The following PTPRD variants were observed in gnomAD, a reference collection of about 807,000 sequenced individuals.
The protein encoded by PTPRD is protein tyrosine phosphatase receptor type D, also known as receptor-type tyrosine-protein phosphatase delta.
PTPRD carries 34 observed loss-of-function variants against 214.5 expected under a neutral mutation model. The ratio of observed to expected loss-of-function variants is 0.16; its 90% CI spans 0.12 to 0.21. The LOEUF is 0.21. Ranked by LOEUF, PTPRD falls within the 10% of genes least tolerant of loss-of-function variation. The probability of loss-of-function intolerance (pLI) is 1.00; values close to 1 mark genes in which losing one functional copy is unlikely to be tolerated. For missense variants in PTPRD, 2,545 were observed against 2,398.7 expected, an observed-to-expected ratio of 1.06 and a Z score of -1.27; for synonymous variants, 1,128 against 845.7, an observed-to-expected ratio of 1.33 and a Z score of -5.79.
At chr9:10,499,821 T>C (rs2133160729) in intron 2 of PTPRD, among the ~76,000 whole-genome samples, 1 of 152,070 alleles carries the variant, frequency 6.6e-6, no homozygotes, top group East Asian at 1.9e-4. Context: ...TATTGTCATG[T>C]GCCAAAGAGT....
chr9:10,229,540 A>C (rs1475348771), intron 3 of PTPRD, among the ~76,000 whole-genome samples: 1 of 152,098 alleles, frequency 6.6e-6, no homozygotes, highest in Non-Finnish European at 1.5e-5. Context: ...TGATGAGTTC[A>C]TGTCCTTTGT....
At chr9:9,381,763 G>A (rs562764128) in intron 9 of PTPRD, among the ~76,000 whole-genome samples, 41 of 151,258 alleles carry the variant, frequency 2.7e-4, no homozygotes, top group African/African-American at 8.5e-4. Context: ...TGCAATACGA[G>A]TTTGCACTAT....
intron 2 of PTPRD, among the ~76,000 whole-genome samples, chr9:10,598,074 T>C (rs1239160467): frequency 2.0e-5 from 3 of 151,768 alleles, no homozygotes; most frequent in East Asian, 1.9e-4. Context: ...TATTGGACAA[T>C]TGCACTGTGT....
intron 11 of PTPRD, among the ~76,000 whole-genome samples, chr9:8,953,499 T>C (rs2099114761): frequency 6.6e-6 from 1 of 151,780 alleles, no homozygotes; most frequent in Non-Finnish European, 1.5e-5. Context: ...AATTGATAAG[T>C]GGGGACCTAA....
chr9:8,745,784 TTC>T (rs60391748), intron 11 of PTPRD, among the ~76,000 whole-genome samples: 77,108 of 148,556 alleles, frequency 0.52, 19,806 homozygotes, highest in South Asian at 0.57. Flanking sequence ...TTTATGGAGT[TTC>T]TCTCTCTCTC....
chr9:9,590,956 G>T (rs1018459274), intron 7 of PTPRD, among the ~76,000 whole-genome samples: 2 of 151,950 alleles, frequency 1.3e-5, no homozygotes, highest in Non-Finnish European at 2.9e-5. Flanking sequence ...AACACAAAAT[G>T]GGCTCCATTT....
rs1440032327 is a variant in PTPRD at position 8,980,127 on chromosome 9, C to A, written c.-104+38570G>T. 2.0e-5 allele frequency among the ~76,000 whole-genome samples: 3 copies of A among 151,718 alleles called. No individual in the cohort carries two copies. The East Asian group carries it at 5.9e-4, about 30-fold the overall frequency. ...ATTGCATTAAGTGAAATAAGCCAGACACATAAATAAAAATATTGCATGATC... is the reference window on the plus strand; with the variant it reads ...ATTGCATTAAGTGAAATAAGCCAGAAACATAAATAAAAATATTGCATGATC... On this transcript the variant is annotated intron_variant, in intron 11 of 45. Transcript: ENST00000381196.
At chr9:9,705,880 T>C (rs1014535880) in intron 7 of PTPRD, among the ~76,000 whole-genome samples, 1 of 152,188 alleles carries the variant, frequency 6.6e-6, no homozygotes, top group Non-Finnish European at 1.5e-5. Flanking sequence ...TTTCTGGCAG[T>C]GACCTCAAAG....
At chr9:8,941,419 GTA>G (rs1307804558) in intron 11 of PTPRD, among the ~76,000 whole-genome samples, 1 of 152,008 alleles carries the variant, frequency 6.6e-6, no homozygotes. Flanking sequence ...ATGTGTGTGT[GTA>G]TATATATAGT....
At chr9:9,708,803 G>T (rs1430461914) in intron 7 of PTPRD, among the ~76,000 whole-genome samples, 1 of 151,946 alleles carries the variant, frequency 6.6e-6, no homozygotes, top group Non-Finnish European at 1.5e-5. Flanking sequence ...GAATGCCATT[G>T]CAAGAAAAAC....
At chr9:8,453,812 T>A (rs1276792235) in intron 33 of PTPRD, among the ~76,000 whole-genome samples, 2 of 152,286 alleles carry the variant, frequency 1.3e-5, no homozygotes, top group South Asian at 4.1e-4. Flanking sequence ...TCCGTCAAGT[T>A]CCCTGGTGGT....
chr9:9,476,122 C>T (rs968331879), intron 8 of PTPRD, among the ~76,000 whole-genome samples: 1 of 152,116 alleles, frequency 6.6e-6, no homozygotes, highest in African/African-American at 2.4e-5. Flanking sequence ...AGAAAACAGG[C>T]GTAGTGATAT....
chr9:8,927,350 C>T (rs2098907283), intron 11 of PTPRD, among the ~76,000 whole-genome samples: 1 of 152,024 alleles, frequency 6.6e-6, no homozygotes, highest in Admixed American at 6.6e-5. Flanking sequence ...TTAGGTATTT[C>T]TCCTAATGCT....
chr9:9,689,711 G>A (rs910870770), intron 7 of PTPRD, among the ~76,000 whole-genome samples: 3 of 151,778 alleles, frequency 2.0e-5, no homozygotes, highest in Non-Finnish European at 2.9e-5. Flanking sequence ...CACTTTATAA[G>A]TTCCCATATA....
intron 14 of PTPRD, among the ~76,000 whole-genome samples, chr9:8,576,001 A>T (rs553066543): frequency 6.6e-6 from 1 of 152,212 alleles, no homozygotes; most frequent in African/African-American, 2.4e-5. Flanking sequence ...CAAATGAGAT[A>T]GTCCTAACAG....
intron 33 of PTPRD, among the ~76,000 whole-genome samples, chr9:8,454,169 G>A (rs185033070): frequency 6.6e-6 from 1 of 152,238 alleles, no homozygotes; most frequent in East Asian, 1.9e-4. Context: ...ATGTGAAAAT[G>A]CTAATATCAT....
chr9:10,016,513 C>G (rs997198574), intron 4 of PTPRD, among the ~76,000 whole-genome samples: 2 of 152,100 alleles, frequency 1.3e-5, no homozygotes, highest in South Asian at 4.2e-4. Context: ...AGAGAAAGAA[C>G]AGAATAGTCT....
chr9:10,564,781 C>T (rs565900603), intron 2 of PTPRD, among the ~76,000 whole-genome samples: 13 of 152,270 alleles, frequency 8.5e-5, no homozygotes, highest in African/African-American at 2.9e-4. Context: ...TCATTTGAAA[C>T]ACCTAGAATA....
chr9:9,487,154 C>T lies in PTPRD; in HGVS notation c.-237+87578G>A, dbSNP rs929262663. ...ATACATGTGCCATGTTGGTGTGCTG[C>T]ACCCATTAACTTGTCATTTAGCATT... On this transcript the variant is annotated intron_variant, in intron 8 of 45. Coordinates refer to ENST00000381196, the MANE Select transcript of PTPRD (RefSeq NM_002839.4). Among the ~76,000 whole-genome samples the T allele has an allele frequency of 2.6e-5, 4 of 152,154 alleles. No homozygotes were observed. The East Asian group carries it at 7.7e-4, about 29-fold the overall frequency.
Sources: allele counts gnomAD v4.1 joint callset (sites outside exome capture counted in the v4.1 genomes callset), GRCh38; gene constraint gnomAD v4.1.1; transcripts MANE v1.5; gene names NCBI Gene and HGNC (gene_info 2026-07-23, HGNC 2026-07-21).